FMN2: variants seen among roughly 807,000 people sequenced by gnomAD.
The protein encoded by FMN2 is formin 2, also known as formin-2.
In FMN2, 51 loss-of-function variants were observed where a neutral mutation model predicts 142.3. The ratio of observed to expected loss-of-function variants is 0.36; its 90% CI spans 0.29 to 0.45. FMN2 has a LOEUF of 0.45. FMN2 is among the 20% of genes least tolerant of loss of function. FMN2 has a pLI of 1.00. For missense variants in FMN2, 1,936 were observed against 2,122.8 expected (o/e 0.91, Z 1.73); for synonymous variants, 882 against 869.8 (o/e 1.01, Z -0.25).
chr1:240,258,087 T>C, intron 7 of FMN2, 55 bp downstream of exon 7: 3 of 1,321,950 alleles, frequency 2.3e-6, no homozygotes. Flanking sequence ...GGCTGAGGGA[T>C]ATGATGTTTG....
chr1:240,226,346 T>G (rs1236959035), intron 6 of FMN2, among the ~76,000 whole-genome samples: 1 of 152,084 alleles, frequency 6.6e-6, no homozygotes, highest in Non-Finnish European at 1.5e-5. Flanking sequence ...ACAGCAGACT[T>G]ATCAGAATTA....
intron 1 of FMN2, among the ~76,000 whole-genome samples, chr1:240,118,893 G>T (rs929039844): frequency 9.9e-5 from 15 of 152,178 alleles, no homozygotes; most frequent in Non-Finnish European, 2.1e-4. Flanking sequence ...CAGAAAGGAG[G>T]AGGGATAGTA....
chr1:240,321,908 T>TA (rs1670984108), intron 8 of FMN2, among the ~76,000 whole-genome samples: 1 of 152,232 alleles, frequency 6.6e-6, no homozygotes, highest in Non-Finnish European at 1.5e-5. Flanking sequence ...GTTTAATACC[T>TA]AATATGGTAA....
At chr1:240,428,916 C>A (rs1306574066) in intron 15 of FMN2, among the ~76,000 whole-genome samples, 1 of 152,176 alleles carries the variant, frequency 6.6e-6, no homozygotes, top group East Asian at 1.9e-4. Flanking sequence ...GTCTTCAGTA[C>A]AGGAGGCTTT....
chr1:240,446,319 G>A (rs114908655), intron 16 of FMN2, among the ~76,000 whole-genome samples: 3,027 of 152,230 alleles, frequency 0.02, 87 homozygotes, highest in African/African-American at 0.058. Context: ...TAGAGAATCC[G>A]GACCAAGAGC....
chr1:240,418,280 A>C (rs2103136947), intron 15 of FMN2, among the ~76,000 whole-genome samples: 1 of 151,184 alleles, frequency 6.6e-6, no homozygotes, highest in South Asian at 2.1e-4. Flanking sequence ...GCTCACTGCA[A>C]CCTCCACCTC....
chr1:240,445,540 G>A (rs1201264378), intron 16 of FMN2, among the ~76,000 whole-genome samples: 1 of 152,118 alleles, frequency 6.6e-6, no homozygotes, highest in Non-Finnish European at 1.5e-5. Context: ...AGATGGTAAG[G>A]ATGTTCACGG....
intron 13 of FMN2, among the ~76,000 whole-genome samples, chr1:240,335,792 T>G (rs1161952705): frequency 6.6e-6 from 1 of 152,176 alleles, no homozygotes; most frequent in African/African-American, 2.4e-5. Flanking sequence ...GGCAAGTTCT[T>G]GCAAGACTTG....
At chr1:240,171,594 G>C (rs940448051) in intron 2 of FMN2, among the ~76,000 whole-genome samples, 1 of 152,128 alleles carries the variant, frequency 6.6e-6, no homozygotes, top group Non-Finnish European at 1.5e-5. Context: ...AAAAAATGTT[G>C]ATCTGAAATA....
At chr1:240,132,975 C>T (rs1166436718) in intron 2 of FMN2, among the ~76,000 whole-genome samples, 3 of 152,132 alleles carry the variant, frequency 2.0e-5, no homozygotes, top group Non-Finnish European at 2.9e-5. Flanking sequence ...TTGACAATGT[C>T]CAAAGACATT....
At chr1:240,461,365 G>A (rs1453248931) in intron 16 of FMN2, among the ~76,000 whole-genome samples, 1 of 152,070 alleles carries the variant, frequency 6.6e-6, no homozygotes, top group Non-Finnish European at 1.5e-5. Context: ...ATGGTTATCT[G>A]TAAGCTCTCC....
chr1:240,143,410 G>A, intron 2 of FMN2: 1 of 1,424,354 alleles, frequency 7.0e-7, no homozygotes, highest in Middle Eastern at 1.8e-4. Flanking sequence ...AGCAATAAGG[G>A]CAATCCCCAG....
chr1:240,315,185 A>G (rs1223288328), intron 8 of FMN2, among the ~76,000 whole-genome samples: 1 of 152,168 alleles, frequency 6.6e-6, no homozygotes, highest in Non-Finnish European at 1.5e-5. Flanking sequence ...GTTTATATAT[A>G]AGACTTTCAG....
chr1:240,380,083 G>A (rs906027533), intron 14 of FMN2, among the ~76,000 whole-genome samples: 7 of 152,040 alleles, frequency 4.6e-5, no homozygotes, highest in Admixed American at 3.3e-4. Flanking sequence ...GATTATAAAG[G>A]CAGAAAATCA....
rs1661032808 is a variant in FMN2, at chr1:240,092,742, G to C, written c.633G>C (p.Gln211His). Residue 211 changes from glutamine (Q) to histidine (H), a missense_variant, in exon 1 of 18, where the codon CAG (glutamine) becomes CAC (histidine). By Grantham distance (24) the Gln-to-His change is conservative. Coordinates refer to ENST00000319653, the MANE Select transcript of FMN2 (RefSeq NM_020066.5). ...TCCGCCTGCAGCAGCAGCAGCAGCA[G>C]CAGCTCCAGCTCCAGCTCCAGCAAC... ...QAIRLQQQQQQQLQLQLQQQQ... is the reference protein window; with the variant it reads ...QAIRLQQQQQHQLQLQLQQQQ... 1.9e-6 allele frequency: 3 copies of C among 1,612,796 alleles called. No individual in the cohort carries two copies. The highest frequency in any genetic ancestry group is 2.5e-6 in the Non-Finnish European group (3 of 1,179,692).
At chr1:240,189,572 T>C (rs1665621532) in intron 4 of FMN2, among the ~76,000 whole-genome samples, 1 of 152,178 alleles carries the variant, frequency 6.6e-6, no homozygotes, top group African/African-American at 2.4e-5. Flanking sequence ...GGAGGAGAAA[T>C]TGGGGTACAA....
chr1:240,446,413 TGTAAG>T (rs547075465), intron 16 of FMN2, among the ~76,000 whole-genome samples: 42 of 152,338 alleles, frequency 2.8e-4, no homozygotes, highest in Non-Finnish European at 4.3e-4. Context: ...TGTAGACACT[TGTAAG>T]GTATCTGAGC....
chr1:240,136,798 T>A (rs114852142), intron 2 of FMN2, among the ~76,000 whole-genome samples: 1 of 152,010 alleles, frequency 6.6e-6, no homozygotes, highest in Admixed American at 6.6e-5. Context: ...TCTGGCCTGG[T>A]GCGGTGGCTC....
chr1:240,251,128 G>C (rs1038476390), intron 6 of FMN2, among the ~76,000 whole-genome samples: 1 of 151,312 alleles, frequency 6.6e-6, no homozygotes, highest in African/African-American at 2.4e-5. Flanking sequence ...TACTGATTTT[G>C]TTCTTGCTTT....
Sources: allele counts gnomAD v4.1 joint callset (sites outside exome capture counted in the v4.1 genomes callset), GRCh38; gene constraint gnomAD v4.1.1; transcripts MANE v1.5; gene names NCBI Gene and HGNC (gene_info 2026-07-23, HGNC 2026-07-21).